WWTR1: variants seen among roughly 807,000 people sequenced by gnomAD.
The protein encoded by WWTR1 is WW domain-containing transcription regulator protein 1.
WWTR1 carries 13 observed loss-of-function variants against 40.1 expected under a neutral mutation model. The ratio of observed to expected loss-of-function variants is 0.32; its 90% CI spans 0.21 to 0.52. The LOEUF is 0.52. WWTR1 is among the 20% of genes least tolerant of loss of function. WWTR1 has a pLI of 0.97. For synonymous variants in WWTR1, 230 were observed against 210.1 expected (o/e 1.09, Z -0.82); for missense variants, 436 against 523.1 (o/e 0.83, Z 1.63).
At chr3:149,713,261 A>C (rs1715520588) in intron 5 of WWTR1, among the ~76,000 whole-genome samples, 1 of 152,232 alleles carries the variant, frequency 6.6e-6, no homozygotes, top group African/African-American at 2.4e-5. Flanking sequence ...ATTTTCACAC[A>C]TAAACCGTTA....
chr3:149,548,370 G>A (rs1736466303), intron 3 of WWTR1, among the ~76,000 whole-genome samples: 1 of 152,198 alleles, frequency 6.6e-6, no homozygotes. Context: ...ATCAGAGGCT[G>A]CCCAGAGCAC....
upstream of WWTR1, among the ~76,000 whole-genome samples, chr3:149,660,546 T>A (rs958837644): frequency 5.3e-5 from 8 of 152,264 alleles, no homozygotes; most frequent in Non-Finnish European, 1.0e-4. Context: ...TTTGCTGTTG[T>A]CCCAGCCATT....
At chr3:149,561,226 A>G (rs1374050368) in intron 3 of WWTR1, among the ~76,000 whole-genome samples, 1 of 152,214 alleles carries the variant, frequency 6.6e-6, no homozygotes, top group East Asian at 1.9e-4. Flanking sequence ...AAATTATGGC[A>G]TTATTGGTTA....
At chr3:149,672,622 G>A (rs913635970) in intron 1 of WWTR1, among the ~76,000 whole-genome samples, 7 of 151,844 alleles carry the variant, frequency 4.6e-5, no homozygotes, top group Non-Finnish European at 1.0e-4. Flanking sequence ...TAGAGATATA[G>A]TTCTTAATAA....
intron 2 of WWTR1, among the ~76,000 whole-genome samples, chr3:149,578,060 A>G (rs373101767): frequency 8.9e-4 from 110 of 124,240 alleles, no homozygotes; most frequent in African/African-American, 3.2e-3. Flanking sequence ...CTCCAGGCAC[A>G]TATCCCAAGG....
chr3:149,605,014 G>T (rs1449350416), intron 2 of WWTR1, among the ~76,000 whole-genome samples: 1 of 152,212 alleles, frequency 6.6e-6, no homozygotes, highest in Admixed American at 6.5e-5. Flanking sequence ...ACTGAAGGAG[G>T]GAAGGGTCAC....
At chr3:149,536,632 C>T (rs1464233202) in intron 4 of WWTR1, among the ~76,000 whole-genome samples, 9 of 152,072 alleles carry the variant, frequency 5.9e-5, no homozygotes, top group Admixed American at 2.0e-4. Context: ...ATCCCACAGA[C>T]CTGCCAAAAG....
intron 5 of WWTR1, among the ~76,000 whole-genome samples, chr3:149,711,353 G>A (rs1715473352): frequency 6.6e-6 from 1 of 152,016 alleles, no homozygotes; most frequent in Non-Finnish European, 1.5e-5. Context: ...TCAGGATCTT[G>A]ATATAATAGT....
In WWTR1 at chr3:149,627,563, A is replaced by G. The variant is rs78693405; in HGVS notation, c.431+29313T>C. Among the ~76,000 whole-genome samples, 308 of 152,286 alleles carry G rather than the reference A, an allele frequency of 2.0e-3. 11 individuals carry two copies. In the East Asian group the frequency reaches 0.056, roughly 28 times the overall value. Reference sequence around the variant, plus strand: ...AAGGAATAGGTGGTGATAACTGAAGAGTGTGTGCTATGGCTACAGGAGGCC... The same window carrying G: ...AAGGAATAGGTGGTGATAACTGAAGGGTGTGTGCTATGGCTACAGGAGGCC... On this transcript the variant is annotated intron_variant, in intron 2 of 6. Transcript: ENST00000360632.
intron 2 of WWTR1, among the ~76,000 whole-genome samples, chr3:149,644,984 C>G (rs756649134): frequency 1.3e-5 from 2 of 152,166 alleles, no homozygotes; most frequent in African/African-American, 2.4e-5. Flanking sequence ...TCCCAGGTAA[C>G]TGGGATTACA....
At chr3:149,704,386 G>T (rs527276625), upstream of WWTR1, among the ~76,000 whole-genome samples, 2 of 152,234 alleles carry the variant, frequency 1.3e-5, no homozygotes, top group South Asian at 4.2e-4. Context: ...CCCAGGGTAG[G>T]CTACCCCAAA....
intron 2 of WWTR1, among the ~76,000 whole-genome samples, chr3:149,642,435 A>G (rs1712225571): frequency 6.6e-6 from 1 of 151,200 alleles, no homozygotes; most frequent in East Asian, 2.0e-4. Flanking sequence ...ACACACACAC[A>G]CACGAAAGTA....
In WWTR1 at chr3:149,656,975, G is replaced by T. The variant is rs372365663; in HGVS notation, c.332C>A (p.Ala111Glu). ...GAAGSPAQQH[A>E]HLRQQSYDVT... ...GTCGTAGGACTGCTGGCGGAGGTGC[G>T]CGTGCTGCTGCGCGGGGCTACCCGC... is the stretch of plus-strand genomic sequence containing the variant. The change falls in exon 2 of 7, where the codon GCG (alanine) becomes GAG (glutamate). Residue 111 changes from alanine to glutamate, a missense_variant. Physicochemically the swap from Ala to Glu is moderately radical, Grantham distance 107 (BLOSUM62 -1). Transcript: ENST00000360632. The T allele has an allele frequency of 1.8e-5, 28 of 1,598,216 alleles. No individual in the cohort carries two copies. The highest frequency in any genetic ancestry group is 2.3e-5 in the Non-Finnish European group (27 of 1,176,384).
At chr3:149,534,628 C>T (rs1735740016) in intron 4 of WWTR1, among the ~76,000 whole-genome samples, 1 of 152,156 alleles carries the variant, frequency 6.6e-6, no homozygotes, top group Admixed American at 6.5e-5. Context: ...GTTACAAGTT[C>T]CAATTTCAAG....
chr3:149,611,773 T>C (rs1313858714), intron 2 of WWTR1, among the ~76,000 whole-genome samples: 1 of 152,202 alleles, frequency 6.6e-6, no homozygotes, highest in Non-Finnish European at 1.5e-5. Context: ...TCCAGAGTGT[T>C]TGCTAGCTTA....
At chr3:149,556,360 C>T (rs1205312257) in intron 3 of WWTR1, among the ~76,000 whole-genome samples, 1 of 152,188 alleles carries the variant, frequency 6.6e-6, no homozygotes, top group Non-Finnish European at 1.5e-5. Context: ...GTGGGCAGAT[C>T]ACAAGGTCAG....
At chr3:149,630,408 G>A (rs1231672548) in intron 2 of WWTR1, among the ~76,000 whole-genome samples, 1 of 152,134 alleles carries the variant, frequency 6.6e-6, no homozygotes, top group Non-Finnish European at 1.5e-5. Context: ...AACTTCTCTC[G>A]GACCAGTAGC....
intron 2 of WWTR1, among the ~76,000 whole-genome samples, chr3:149,622,513 G>GA (rs1332452795): frequency 4.8e-4 from 69 of 143,218 alleles, no homozygotes; most frequent in African/African-American, 1.6e-3. Flanking sequence ...AAGAAAGAAA[G>GA]AAAGAAAGAA....
At chr3:149,528,761 G>A (rs888511805) in intron 4 of WWTR1, among the ~76,000 whole-genome samples, 1 of 151,842 alleles carries the variant, frequency 6.6e-6, no homozygotes, top group Non-Finnish European at 1.5e-5. Flanking sequence ...AGAGTGAGAC[G>A]CTGTCTCAAA....
Sources: gnomAD v4.1 joint callset for allele counts (sites outside exome capture counted in the v4.1 genomes callset) on GRCh38, gnomAD v4.1.1 for gene constraint, MANE v1.5 for transcripts, NCBI Gene and HGNC (gene_info 2026-07-23, HGNC 2026-07-21) for gene names.